Variants in TMEM156 observed in about 807,000 individuals in gnomAD.
The protein encoded by TMEM156 is transmembrane protein 156.
Under a neutral mutation model 30.5 loss-of-function variants are expected in TMEM156, and 28 were observed. That is an observed-to-expected ratio of 0.92 (90% CI 0.68 to 1.26). The LOEUF (loss-of-function observed/expected upper bound fraction) is 1.26. TMEM156 is among the 50% of genes most tolerant of loss of function. The pLI is 0.00. For synonymous variants in TMEM156, 137 were observed against 119.9 expected, an observed-to-expected ratio of 1.14 and a Z score of -0.93; for missense variants, 351 against 340.6, an observed-to-expected ratio of 1.03 and a Z score of -0.24.
chr4:39,008,357 C>A (rs571678938), intron 1 of TMEM156, among the ~76,000 whole-genome samples: 20 of 152,058 alleles, frequency 1.3e-4, no homozygotes, highest in Admixed American at 2.6e-4. Flanking sequence ...GCTCTTTCAA[C>A]AATTATTAAG....
chr4:38,986,974 G>C (rs1261596922), intron 4 of TMEM156, among the ~76,000 whole-genome samples: 2 of 150,200 alleles, frequency 1.3e-5, no homozygotes, highest in African/African-American at 4.9e-5. Flanking sequence ...TAAGTAGTGT[G>C]ACATTTTTTA....
intron 1 of TMEM156, among the ~76,000 whole-genome samples, chr4:39,013,603 T>C (rs1401245866): frequency 6.6e-6 from 1 of 151,900 alleles, no homozygotes; most frequent in Non-Finnish European, 1.5e-5. Context: ...GGTTTCACCA[T>C]GTTGGCCAGG....
At chr4:38,971,812 A>T (rs6531686) in intron 5 of TMEM156, among the ~76,000 whole-genome samples, 4 of 151,740 alleles carry the variant, frequency 2.6e-5, no homozygotes, top group African/African-American at 9.7e-5. Context: ...TTTTTAAGAC[A>T]GAGTTTCGCT....
intron 2 of TMEM156, among the ~76,000 whole-genome samples, chr4:38,996,409 A>C (rs1712940843): frequency 6.6e-6 from 1 of 150,516 alleles, no homozygotes; most frequent in Admixed American, 6.7e-5. Context: ...AAAAATACAA[A>C]AAAAAAAAAA....
chr4:39,005,959 G>A lies in TMEM156; in HGVS notation c.89-7050C>T, dbSNP rs186750168. Among the ~76,000 whole-genome samples the A allele has an allele frequency of 4.6e-5, 7 of 152,004 alleles. No homozygotes were observed. The South Asian group carries it at 1.0e-3, about 23-fold the overall frequency. On this transcript the variant is annotated intron_variant, in intron 1 of 6. Transcript: ENST00000381938. The stretch of plus-strand genomic sequence containing the variant: ...TTGCCAGGCTGGAGTGCAGTGGTAC[G>A]ATCTCGGCTCACTGCAACCTCTGCC...
At chr4:39,022,752 C>T (rs1714953531) in intron 1 of TMEM156, among the ~76,000 whole-genome samples, 1 of 151,992 alleles carries the variant, frequency 6.6e-6, no homozygotes. Flanking sequence ...GTAGGCACAC[C>T]AGAGGCTACT....
At chr4:38,970,480 C>T (rs952484145) in intron 6 of TMEM156, among the ~76,000 whole-genome samples, 1 of 152,072 alleles carries the variant, frequency 6.6e-6, no homozygotes, top group Non-Finnish European at 1.5e-5. Context: ...CCTCCCCTTC[C>T]CTGTTATAAT....
At chr4:38,987,282 C>T (rs982700592) in intron 4 of TMEM156, among the ~76,000 whole-genome samples, 5 of 152,188 alleles carry the variant, frequency 3.3e-5, no homozygotes, top group Middle Eastern at 3.2e-3. Flanking sequence ...TGGATAAACA[C>T]TTAACCTCTC....
At chr4:39,015,633 T>A (rs959592024) in intron 1 of TMEM156, among the ~76,000 whole-genome samples, 2 of 152,218 alleles carry the variant, frequency 1.3e-5, no homozygotes, top group Non-Finnish European at 2.9e-5. Context: ...ATTTGTGTCA[T>A]TTTAAGCCAC....
In TMEM156 at chr4:38,967,263, T is replaced by A. The variant is rs1036407820; in HGVS notation, c.*417A>T. On this transcript the variant is annotated 3_prime_UTR_variant, in exon 7 of 7. Coordinates refer to ENST00000381938, the MANE Select transcript of TMEM156 (RefSeq NM_024943.3). ...ACAATTATCAAATCAGCATCTACAA[T>A]GTGGCCCAATAAAAGAAAGGGTTTT... The A allele has an allele frequency of 2.0e-5, 3 of 152,196 alleles. No homozygotes were observed. Among genetic ancestry groups the A allele is most frequent in the African/African-American group, 7.2e-5 (3 of 41,446 alleles). The allele number at this position is 152,196 out of a possible 1,614,324, so 9.4% of individuals were successfully genotyped here.
intron 1 of TMEM156, among the ~76,000 whole-genome samples, chr4:39,024,888 A>C (rs1206259203): frequency 2.6e-5 from 4 of 152,232 alleles, no homozygotes; most frequent in Non-Finnish European, 5.9e-5. Context: ...AACATAGTCG[A>C]TTATTTCTAA....
At chr4:38,987,048 T>G (rs1040179154) in intron 4 of TMEM156, among the ~76,000 whole-genome samples, 5 of 152,212 alleles carry the variant, frequency 3.3e-5, no homozygotes, top group African/African-American at 1.2e-4. Flanking sequence ...TGGGCAGATA[T>G]TTGTAAGAAT....
At chr4:39,007,042 G>A (rs1713788229) in intron 1 of TMEM156, among the ~76,000 whole-genome samples, 1 of 152,106 alleles carries the variant, frequency 6.6e-6, no homozygotes, top group African/African-American at 2.4e-5. Flanking sequence ...AATTACACTA[G>A]CATTTATTGA....
chr4:38,996,666 C>T (rs975191369), intron 2 of TMEM156, among the ~76,000 whole-genome samples: 2 of 152,048 alleles, frequency 1.3e-5, no homozygotes, highest in South Asian at 2.1e-4. Context: ...TAAAATGGTC[C>T]GGCTACTATG....
chr4:38,973,684 C>T (rs1377353101), intron 5 of TMEM156, among the ~76,000 whole-genome samples: 1 of 152,112 alleles, frequency 6.6e-6, no homozygotes, highest in Non-Finnish European at 1.5e-5. Context: ...CTTCGTATTT[C>T]TGATCACTTA....
intron 5 of TMEM156, among the ~76,000 whole-genome samples, chr4:38,974,697 GT>G (rs1722766098): frequency 6.8e-6 from 1 of 146,216 alleles, no homozygotes; most frequent in East Asian, 2.0e-4. Flanking sequence ...TTGAGATGGA[GT>G]TTCATTCTTG....
At chr4:38,989,829 C>A (rs1160251142) in intron 3 of TMEM156, among the ~76,000 whole-genome samples, 1 of 151,800 alleles carries the variant, frequency 6.6e-6, no homozygotes, top group African/African-American at 2.4e-5. Flanking sequence ...GACAGAGTTT[C>A]ACTCTTGTTG....
rs1407915960 is a variant in TMEM156 at position 38,984,347 on chromosome 4, CTCTG to C, written c.823+1985_823+1988del. On this transcript the variant is annotated intron_variant, in intron 5 of 6. Transcript: ENST00000381938. ...TCTTTCTCTCTGTCTCTCTCTCTCTCTCTGTGTGTGTGTGTGTGTGTGTGTGTGT... is the reference window on the plus strand; with the variant it reads ...TCTTTCTCTCTGTCTCTCTCTCTCTCTGTGTGTGTGTGTGTGTGTGTGTGT... Among the ~76,000 whole-genome samples the C allele has an allele frequency of 6.7e-3, 881 of 130,610 alleles. 3 individuals are homozygous for C. Among genetic ancestry groups the C allele is most frequent in the Admixed American group, 0.015 (207 of 13,366 alleles). 85.7% of individuals were successfully genotyped at this position (130,610 alleles called of 152,430 possible).
At chr4:38,976,320 C>T (rs1722850388) in intron 5 of TMEM156, among the ~76,000 whole-genome samples, 1 of 150,004 alleles carries the variant, frequency 6.7e-6, no homozygotes, top group Admixed American at 6.7e-5. Flanking sequence ...AAGCAAACTG[C>T]CATGCTGTGA....
Sources: gnomAD v4.1 joint callset for allele counts (sites outside exome capture counted in the v4.1 genomes callset) on GRCh38, gnomAD v4.1.1 for gene constraint, MANE v1.5 for transcripts, NCBI Gene and HGNC (gene_info 2026-07-23, HGNC 2026-07-21) for gene names.